Variants in GPHN observed in about 807,000 individuals in gnomAD.
The protein encoded by GPHN is gephyrin.
In GPHN, 17 loss-of-function variants were observed where a neutral mutation model predicts 95.5. The ratio of observed to expected loss-of-function variants is 0.18; its 90% CI spans 0.12 to 0.27. The LOEUF (loss-of-function observed/expected upper bound fraction) is 0.27. GPHN is among the 10% of genes least tolerant of loss of function. The pLI, the probability that GPHN is intolerant of heterozygous loss-of-function variation, is 1.00. For synonymous variants in GPHN, 320 were observed against 322.5 expected (o/e 0.99, Z 0.08); for missense variants, 660 against 978.1 (o/e 0.67, Z 4.34).
chr14:67,014,110 A>C (rs933163411), intron 9 of GPHN, among the ~76,000 whole-genome samples: 1 of 152,082 alleles, frequency 6.6e-6, no homozygotes, highest in African/African-American at 2.4e-5. Flanking sequence ...AACAAAAAAA[A>C]ATCAGCATTT....
the GPHN span, among the ~76,000 whole-genome samples, chr14:67,348,314 C>A: frequency 1.6e-4 from 24 of 152,118 alleles, no homozygotes; most frequent in African/African-American, 5.8e-4. Flanking sequence ...AGGCGATCCG[C>A]CCACCTTGGC....
chr14:67,552,768 A>G, the GPHN span, among the ~76,000 whole-genome samples: 1 of 150,258 alleles, frequency 6.7e-6, no homozygotes, highest in African/African-American at 2.4e-5. Flanking sequence ...CTCTGTCTCA[A>G]AAAAAAAAAA....
At chr14:67,282,254 C>A in the GPHN span, among the ~76,000 whole-genome samples, 2 of 152,052 alleles carry the variant, frequency 1.3e-5, no homozygotes, top group Non-Finnish European at 1.5e-5. Context: ...GAGAAGTACT[C>A]CCTGAACATT....
chr14:66,592,474 C>T (rs12003533), intron 1 of GPHN, among the ~76,000 whole-genome samples: 3 of 148,476 alleles, frequency 2.0e-5, no homozygotes, highest in South Asian at 2.1e-4. Context: ...AAAAAAACCC[C>T]GTCAAGAAGT....
the GPHN span, chr14:67,225,064 C>G: frequency 1.4e-6 from 2 of 1,472,524 alleles, no homozygotes; most frequent in Non-Finnish European, 1.8e-6. Context: ...TTCTCACTTC[C>G]TCTCTATTGA....
intron 2 of GPHN, among the ~76,000 whole-genome samples, chr14:66,764,783 GATAAT>G (rs1173013915): frequency 6.6e-6 from 1 of 151,606 alleles, no homozygotes; most frequent in Non-Finnish European, 1.5e-5. Context: ...AAAATATAAA[GATAAT>G]ATAATTACTT....
At chr14:67,247,674 C>T in the GPHN span, among the ~76,000 whole-genome samples, 4 of 152,036 alleles carry the variant, frequency 2.6e-5, no homozygotes, top group Non-Finnish European at 5.9e-5. Flanking sequence ...ACTTTCTGGG[C>T]TCAGTTGATT....
At chr14:67,093,675 G>T (rs2077229168) in intron 12 of GPHN, among the ~76,000 whole-genome samples, 1 of 151,980 alleles carries the variant, frequency 6.6e-6, no homozygotes, top group Non-Finnish European at 1.5e-5. Context: ...GGAAGATAAT[G>T]GTAAAGAATA....
chr14:66,588,636 A>G (rs2140568861), intron 1 of GPHN, among the ~76,000 whole-genome samples: 1 of 152,222 alleles, frequency 6.6e-6, no homozygotes. Context: ...AAATGATATC[A>G]GAGATTGAAG....
the GPHN span, chr14:67,334,814 CT>C: frequency 6.6e-6 from 1 of 152,236 alleles, no homozygotes. Context: ...TTAGCACTTA[CT>C]TAATCTTTTC....
At chr14:67,323,229 ACACG>A in the GPHN span, among the ~76,000 whole-genome samples, 4 of 70,344 alleles carry the variant, frequency 5.7e-5, no homozygotes, top group Admixed American at 6.1e-4. Context: ...ACACATATAT[ACACG>A]TGTGTGTGTG....
intron 2 of GPHN, among the ~76,000 whole-genome samples, chr14:66,713,033 T>C (rs1335564982): frequency 6.6e-6 from 1 of 152,240 alleles, no homozygotes; most frequent in Non-Finnish European, 1.5e-5. Context: ...GAGTTTGTTG[T>C]ATATTTTGGA....
intron 9 of GPHN, among the ~76,000 whole-genome samples, chr14:67,021,412 A>G (rs878959931): frequency 6.6e-6 from 1 of 152,108 alleles, no homozygotes; most frequent in Non-Finnish European, 1.5e-5. Flanking sequence ...TCATCATCCA[A>G]ATTTCTCCAC....
At chr14:66,871,496 T>C (rs1380898620) in intron 4 of GPHN, among the ~76,000 whole-genome samples, 7 of 152,234 alleles carry the variant, frequency 4.6e-5, no homozygotes, top group Non-Finnish European at 8.8e-5. Context: ...GCTCTGATTT[T>C]AACATCCTTG....
the GPHN span, chr14:67,332,855 A>G: frequency 1.1e-5 from 18 of 1,613,998 alleles, no homozygotes; most frequent in South Asian, 2.2e-5. Context: ...TGATACGGCA[A>G]TTGTGAATTC....
intron 3 of GPHN, among the ~76,000 whole-genome samples, chr14:66,804,769 T>C (rs190463073): frequency 5.8e-4 from 89 of 152,366 alleles, no homozygotes; most frequent in Admixed American, 2.2e-3. Context: ...TTATCTGATA[T>C]CTTTAAAAGC....
chr14:67,563,215 AG>A, the GPHN span, among the ~76,000 whole-genome samples: 1 of 152,212 alleles, frequency 6.6e-6, no homozygotes. Flanking sequence ...TCAAGAGCAT[AG>A]GCCCCAGAAG....
the GPHN span, chr14:67,203,208 C>A: frequency 1.2e-6 from 2 of 1,613,914 alleles, no homozygotes; most frequent in Non-Finnish European, 1.7e-6. Flanking sequence ...ACTGGCCCAT[C>A]TGACACCTGG....
At chr14:67,203,403 G>T in the GPHN span, 1 of 837,682 alleles carries the variant, frequency 1.2e-6, no homozygotes, top group Non-Finnish European at 1.8e-6. Flanking sequence ...CATGTTACTC[G>T]CACTCCCTGC....
Sources: gnomAD v4.1 joint callset for allele counts (sites outside exome capture counted in the v4.1 genomes callset) on GRCh38, gnomAD v4.1.1 for gene constraint, MANE v1.5 for transcripts, NCBI Gene and HGNC (gene_info 2026-07-23, HGNC 2026-07-21) for gene names.